UNC45B: variants seen among roughly 807,000 people sequenced by gnomAD.
UNC45B encodes protein unc-45 homolog B.
A neutral mutation model predicts 98.7 loss-of-function variants in UNC45B; 78 were observed. The observed-to-expected ratio is 0.79, with a 90% CI of 0.66 to 0.95. The LOEUF (loss-of-function observed/expected upper bound fraction) is 0.95, where lower values mean the gene tolerates loss of function less well. Among genes scored for constraint, UNC45B ranks in the 40% least tolerant of loss-of-function variants. The pLI is 0.00. For missense variants in UNC45B, 1,225 were observed against 1,184.9 expected (o/e 1.03, Z -0.50); for synonymous variants, 462 against 480.4 (o/e 0.96, Z 0.50).
In UNC45B at chr17:35,148,270, G is replaced by A; in HGVS notation, c.7G>A (p.Glu3Lys). 1 of 1,614,134 alleles carries A rather than the reference G, an allele frequency of 6.2e-7. No homozygotes were observed. The highest frequency in any genetic ancestry group is 8.5e-7 in the Non-Finnish European group (1 of 1,180,014). Residue 3 changes from glutamate to lysine, a missense_variant, in exon 2 of 20, where the codon GAG (glutamate) becomes AAG (lysine). By Grantham distance (56) the Glu-to-Lys change is moderately conservative. Coordinates refer to ENST00000394570, the MANE Select transcript of UNC45B (RefSeq NM_001267052.2). MA[E>K]VEAVQLKEEG... ...GCTTCTCCTGTCCCAGCAGATGGCAGAGGTGGAAGCGGTACAGCTGAAGGA... is the reference window on the plus strand; with the variant it reads ...GCTTCTCCTGTCCCAGCAGATGGCAAAGGTGGAAGCGGTACAGCTGAAGGA...
Position 35,148,253 on chromosome 17 carries a change from T to A in UNC45B, c.1-11T>A. The A allele has an allele frequency of 6.2e-7, 1 of 1,613,928 alleles. No individual in the cohort carries two copies. Among genetic ancestry groups the A allele is most frequent in the Non-Finnish European group, 8.5e-7 (1 of 1,179,918 alleles). On this transcript the variant is annotated splice_polypyrimidine_tract_variant and intron_variant, in intron 1 of 19. Coordinates refer to ENST00000394570, the MANE Select transcript of UNC45B (RefSeq NM_001267052.2). ...GGGGCTGACCAGACAGAGCTTCTCC[T>A]GTCCCAGCAGATGGCAGAGGTGGAA...
chr17:35,182,601 A>G (rs886160578), intron 18 of UNC45B, among the ~76,000 whole-genome samples: 24 of 151,966 alleles, frequency 1.6e-4, no homozygotes, highest in African/African-American at 5.3e-4. Flanking sequence ...GAAATGGGGG[A>G]ATGTAGTCCA....
At chr17:35,181,610 G>C (rs903289082) in intron 18 of UNC45B, among the ~76,000 whole-genome samples, 2 of 152,108 alleles carry the variant, frequency 1.3e-5, no homozygotes, top group African/African-American at 4.8e-5. Flanking sequence ...GGCCAACATG[G>C]CAAAACCCTG....
At chr17:35,176,257 G>A (rs145200606) in intron 15 of UNC45B, among the ~76,000 whole-genome samples, 18 of 152,194 alleles carry the variant, frequency 1.2e-4, no homozygotes, top group Admixed American at 7.2e-4. Context: ...AGGAAGCACC[G>A]TGCAAAGACA....
intron 13 of UNC45B, among the ~76,000 whole-genome samples, chr17:35,171,983 TC>T (rs144999753): frequency 0.053 from 8,137 of 152,150 alleles, 379 homozygotes; most frequent in African/African-American, 0.12. Context: ...GCCAATAAAA[TC>T]ATTTAGATTT....
intron 10 of UNC45B, among the ~76,000 whole-genome samples, chr17:35,169,608 G>A (rs1383004391): frequency 6.6e-6 from 1 of 152,152 alleles, no homozygotes; most frequent in East Asian, 1.9e-4. Flanking sequence ...AAGGGGGCAG[G>A]TCAAGAATTT....
rs77782351 is a variant in UNC45B at position 35,177,697 on chromosome 17, T to C, written c.2255+87T>C. 91,275 of 1,007,838 alleles carry C rather than the reference T, an allele frequency of 0.091. 4,643 individuals carry two copies. Among genetic ancestry groups the C allele is most frequent in the East Asian group, 0.11 (4,161 of 38,086 alleles). 62.4% of individuals were successfully genotyped at this position (1,007,838 alleles called of 1,614,324 possible). A position where few individuals can be genotyped will look rare whatever the true frequency, so the allele number is the denominator to read the frequency against. On this transcript the variant is annotated intron_variant, in intron 17 of 19. Transcript: ENST00000394570. ...TTCACATAATGTGCTGAGAATGCTC[T>C]TCTCTGAAGACAACACAAAGGCAAG...
intron 8 of UNC45B, 139 bp downstream of exon 8, chr17:35,159,684 C>G (rs2092089274): frequency 2.1e-6 from 2 of 943,650 alleles, no homozygotes; most frequent in African/African-American, 3.3e-5. Flanking sequence ...ATTGGCCCAT[C>G]AGGATCCACC....
At position 35,168,197 on chromosome 17, in the gene UNC45B, T is replaced by C. The variant is rs1286406262; in HGVS notation, c.1288T>C (p.Cys430Arg). Reference protein sequence around the residue: ...KGVMEMMVALCGSERETDQLV... With the variant: ...KGVMEMMVALRGSERETDQLV... ...TGTGATGGAGATGATGGTGGCACTA[T>C]GTGGCTCAGAGCGCGAGACGGACCA... The change falls in exon 10 of 20, where the codon TGT becomes CGT. Residue 430 changes from cysteine to arginine, a missense_variant. Physicochemically the swap from Cys to Arg is radical, Grantham distance 180. Coordinates refer to ENST00000394570, the MANE Select transcript of UNC45B (RefSeq NM_001267052.2). The C allele has an allele frequency of 6.2e-7, 1 of 1,603,836 alleles. No individual in the cohort carries two copies. The highest frequency in any genetic ancestry group is 8.5e-7 in the Non-Finnish European group (1 of 1,174,700).
rs577173536 is a variant in UNC45B, at chr17:35,151,224, T to A, written c.381+1001T>A. ...CCTCCGCTGACAAATATGCTTAAATTCAGCGGGTCGCCACGTCTGATCTGA... is the reference window on the plus strand; with the variant it reads ...CCTCCGCTGACAAATATGCTTAAATACAGCGGGTCGCCACGTCTGATCTGA... On this transcript the variant is annotated intron_variant, in intron 4 of 19. Coordinates refer to ENST00000394570, the MANE Select transcript of UNC45B (RefSeq NM_001267052.2). The A allele has an allele frequency of 3.1e-4, 87 of 284,752 alleles. 1 individual carries two copies. Among genetic ancestry groups the A allele is most frequent in the South Asian group, 2.3e-3 (75 of 32,566 alleles). 17.6% of individuals were successfully genotyped at this position (284,752 alleles called of 1,614,324 possible). A position where few individuals can be genotyped will look rare whatever the true frequency, so the allele number is the denominator to read the frequency against.
chr17:35,180,604 C>T lies in UNC45B; in HGVS notation c.2301C>T (p.Tyr767=), dbSNP rs140495399. ...GGGCCTTGCCAGACATCGAGAACTA[C>T]ATGTTTGAGAATCATGATCAGCTGC... The part of the protein sequence containing the change: ...KERALPDIEN[Y]MFENHDQLRQ... Residue 767 remains tyrosine, a synonymous_variant, in exon 18 of 20, where the codon TAC becomes TAT. Coordinates refer to ENST00000394570, the MANE Select transcript of UNC45B (RefSeq NM_001267052.2). 7,648 of 1,613,910 alleles carry T rather than the reference C, an allele frequency of 4.7e-3. 224 individuals are homozygous for T. The South Asian group carries it at 0.054, about 11-fold the overall frequency.
At chr17:35,176,327 T>C (rs1345440740) in intron 15 of UNC45B, among the ~76,000 whole-genome samples, 2 of 152,182 alleles carry the variant, frequency 1.3e-5, no homozygotes, top group Non-Finnish European at 2.9e-5. Context: ...CATTTCTGAC[T>C]GCATAACCTC....
chr17:35,154,925 G>C (rs1427557623), intron 6 of UNC45B, among the ~76,000 whole-genome samples, 184 bp downstream of exon 6: 1 of 152,278 alleles, frequency 6.6e-6, no homozygotes, highest in Non-Finnish European at 1.5e-5. Flanking sequence ...GTTACTGAAA[G>C]TGCCTAAGGC....
intron 12 of UNC45B, among the ~76,000 whole-genome samples, chr17:35,170,906 C>A (rs534794561): frequency 6.6e-6 from 1 of 152,234 alleles, no homozygotes; most frequent in East Asian, 1.9e-4. Flanking sequence ...CCAGGCCCCC[C>A]CAGACTCCTT....
chr17:35,163,923 T>C (rs1478658787), intron 8 of UNC45B, 72 bp from the exon 9 acceptor site: 7 of 1,453,718 alleles, frequency 4.8e-6, no homozygotes, highest in African/African-American at 1.4e-5. Context: ...TGATAACAAG[T>C]CACTGAGTGA....
intron 6 of UNC45B, among the ~76,000 whole-genome samples, chr17:35,155,060 GC>G: frequency 6.6e-6 from 1 of 152,204 alleles, no homozygotes; most frequent in Non-Finnish European, 1.5e-5. Context: ...GAGCTCAACG[GC>G]CCCATGTGGC....
At chr17:35,159,231 C>T in intron 7 of UNC45B, 144 bp from the exon 8 acceptor site, 1 of 815,980 alleles carries the variant, frequency 1.2e-6, no homozygotes, top group South Asian at 2.0e-5. Flanking sequence ...GTGAGATGGG[C>T]AACACTATAC....
intron 9 of UNC45B, chr17:35,164,674 G>C (rs997719431): frequency 6.6e-6 from 1 of 152,192 alleles, no homozygotes; most frequent in Admixed American, 6.5e-5. Flanking sequence ...GAAGAAATTA[G>C]GTTTCAGCTT....
chr17:35,169,699 A>G (rs2092168530), intron 10 of UNC45B, 138 bp from the exon 11 acceptor site: 2 of 699,024 alleles, frequency 2.9e-6, no homozygotes, highest in East Asian at 2.7e-5. Flanking sequence ...TGAGTTTTAC[A>G]GTCTGCACAG....
Sources: allele counts gnomAD v4.1 joint callset (sites outside exome capture counted in the v4.1 genomes callset), GRCh38; gene constraint gnomAD v4.1.1; transcripts MANE v1.5; gene names NCBI Gene and HGNC (gene_info 2026-07-23, HGNC 2026-07-21).